PLAT: variants seen among roughly 807,000 people sequenced by gnomAD.
The protein encoded by PLAT is tissue-type plasminogen activator.
A neutral mutation model predicts 74.9 loss-of-function variants in PLAT; 48 were observed. The observed-to-expected ratio is 0.64, with a 90% CI of 0.51 to 0.82. PLAT has a LOEUF of 0.82. Among genes scored for constraint, PLAT ranks in the 40% least tolerant of loss-of-function variants. The pLI is 0.00. For synonymous variants in PLAT, 307 were observed against 294.4 expected, an observed-to-expected ratio of 1.04 and a Z score of -0.44; for missense variants, 673 against 736.2, an observed-to-expected ratio of 0.91 and a Z score of 0.99.
chr8:42,180,561 C>T lies in PLAT; in HGVS notation c.1014G>A (p.Glu338=), dbSNP rs556723164. 1 of 1,614,144 alleles carries T rather than the reference C, an allele frequency of 6.2e-7. No homozygotes were observed. Among genetic ancestry groups the T allele is most frequent in the South Asian group, 1.1e-5 (1 of 91,084 alleles). The change falls in exon 10 of 14, where the codon GAG becomes GAA. Residue 338 remains glutamate (E), a synonymous_variant. Transcript: ENST00000220809. ...IFAKHRRSPG[E]RFLCGGILIS... is the part of the protein sequence containing the mutation. The stretch of plus-strand genomic sequence containing the variant: ...TGAGTATGCCCCCGCACAGGAACCG[C>T]TCTCCGGGCGACCTCCTGTGCTTGG...
intron 1 of PLAT, 68 bp from the exon 2 acceptor site, chr8:42,193,279 A>T (rs1050497158): frequency 1.8e-5 from 18 of 1,014,274 alleles, no homozygotes; most frequent in Non-Finnish European, 2.8e-5. Flanking sequence ...AGAGGAGGAT[A>T]AGCCGCAATG....
chr8:42,206,131 A>G (rs182087149), intron 1 of PLAT, among the ~76,000 whole-genome samples: 110 of 152,324 alleles, frequency 7.2e-4, no homozygotes, highest in Non-Finnish European at 1.2e-3. Flanking sequence ...GAAATAAACC[A>G]AGCTGGTCTT....
At chr8:42,196,838 A>G (rs1326537285) in intron 1 of PLAT, among the ~76,000 whole-genome samples, 1 of 152,026 alleles carries the variant, frequency 6.6e-6, no homozygotes, top group African/African-American at 2.4e-5. Context: ...AAGAACTGAA[A>G]AAAAAAAAGG....
At chr8:42,207,198 C>G (rs963407451) in intron 1 of PLAT, among the ~76,000 whole-genome samples, 2 of 152,272 alleles carry the variant, frequency 1.3e-5, no homozygotes, top group South Asian at 2.1e-4. Flanking sequence ...TTTTCTGTAT[C>G]GTTCTTTTCA....
In PLAT at chr8:42,194,215, T is replaced by TGAGA. The variant is rs140537859; in HGVS notation, c.-26-1008_-26-1005dup. ...TCAGGCATGTGCCACTGTGCCTGGCTGAGAGAGAGAGAGAGAGAGAGAGAG... is the reference window on the plus strand; with the variant it reads ...TCAGGCATGTGCCACTGTGCCTGGCTGAGAGAGAGAGAGAGAGAGAGAGAGAGAG... On this transcript the variant is annotated intron_variant, in intron 1 of 13. Coordinates refer to ENST00000220809, the MANE Select transcript of PLAT (RefSeq NM_000930.5). Among the ~76,000 whole-genome samples, 555 of 119,842 alleles carry TGAGA rather than the reference T, an allele frequency of 4.6e-3. 3 individuals carry two copies. The highest frequency in any genetic ancestry group is 0.02 in the African/African-American group (431 of 21,846). The allele number at this position is 119,842 out of a possible 152,430, so 78.6% of individuals were successfully genotyped here.
chr8:42,191,120 C>A (rs1805666462), intron 3 of PLAT, among the ~76,000 whole-genome samples: 1 of 152,190 alleles, frequency 6.6e-6, no homozygotes, highest in African/African-American at 2.4e-5. Context: ...AGGTTGTGAT[C>A]CCTGACAGCC....
rs1805629684 is a variant in PLAT at position 42,190,159 on chromosome 8, C to T, written c.116-1088G>A. 3.3e-5 allele frequency among the ~76,000 whole-genome samples: 5 copies of T among 152,226 alleles called. No homozygotes were observed. The South Asian group carries it at 1.0e-3, about 32-fold the overall frequency. On this transcript the variant is annotated intron_variant, in intron 3 of 13. Transcript: ENST00000220809. Reference sequence around the variant, plus strand: ...ATGTTGCCCATGCTGGTCTTGAACTCCTGGGCTAAAGCCATCCTCCTGGAT... The same window carrying T: ...ATGTTGCCCATGCTGGTCTTGAACTTCTGGGCTAAAGCCATCCTCCTGGAT...
chr8:42,199,872 T>C (rs1225014995), intron 1 of PLAT, among the ~76,000 whole-genome samples: 1 of 152,238 alleles, frequency 6.6e-6, no homozygotes, highest in Non-Finnish European at 1.5e-5. Context: ...TCATCTTCCG[T>C]GATGAAGGTC....
At chr8:42,198,225 C>T (rs1805993172) in intron 1 of PLAT, among the ~76,000 whole-genome samples, 1 of 152,194 alleles carries the variant, frequency 6.6e-6, no homozygotes, top group Non-Finnish European at 1.5e-5. Context: ...CACAGTGGCT[C>T]ACACCTGTAA....
chr8:42,187,603 A>G (rs201994900), intron 5 of PLAT, 31 bp from the exon 6 acceptor site: 11 of 1,552,084 alleles, frequency 7.1e-6, no homozygotes, highest in South Asian at 3.5e-5. Context: ...GATGCCTCAC[A>G]TGGGAGTCCC....
chr8:42,188,936 T>C lies in PLAT; in HGVS notation c.251A>G (p.Lys84Arg), dbSNP rs1416061528. The C allele has an allele frequency of 1.9e-6, 3 of 1,612,836 alleles. No individual in the cohort carries two copies. Among genetic ancestry groups the C allele is most frequent in the Admixed American group, 3.3e-5 (2 of 60,014 alleles). ...CACCTCCCAGCCTCAGTACATACTTTTGACAGGCACTGAGTGGCACTGTGC... is the reference window on the plus strand; with the variant it reads ...CACCTCCCAGCCTCAGTACATACTTCTGACAGGCACTGAGTGGCACTGTGC... ...GRAQCHSVPV[K>R]SCSEPRCFNG... is the part of the protein sequence containing the mutation. Residue 84 changes from lysine (K) to arginine (R), a missense_variant and splice_region_variant, in exon 4 of 14, where the codon AAA becomes AGA. Coordinates refer to ENST00000220809, the MANE Select transcript of PLAT (RefSeq NM_000930.5).
chr8:42,181,843 C>T, intron 9 of PLAT, 94 bp downstream of exon 9: 1 of 628,626 alleles, frequency 1.6e-6, no homozygotes. Flanking sequence ...GGCACACAGT[C>T]TGCACCAGAC....
Position 42,180,001 on chromosome 8 carries a change from A to G in PLAT, c.1288T>C (p.Cys430Arg). 3.1e-6 allele frequency: 5 copies of G among 1,609,984 alleles called. No homozygotes were observed. The highest frequency in any genetic ancestry group is 1.3e-5 in the African/African-American group (1 of 74,974). The change falls in exon 12 of 14, where the codon TGC becomes CGC. Residue 430 changes from cysteine to arginine, a missense_variant. Physicochemically the swap from Cys to Arg is radical, Grantham distance 180. Coordinates refer to ENST00000220809, the MANE Select transcript of PLAT (RefSeq NM_000930.5). ...AGCTGCAGGTCCGCCGGGGGAAGGC[A>G]CACAGTGCGGACCACGCTGCTCTCC... The part of the protein sequence containing the change: ...AQESSVVRTV[C>R]LPPADLQLPD...
At chr8:42,200,287 C>T (rs930918825) in intron 1 of PLAT, among the ~76,000 whole-genome samples, 1 of 152,134 alleles carries the variant, frequency 6.6e-6, no homozygotes, top group African/African-American at 2.4e-5. Flanking sequence ...GTCTGTAATC[C>T]CAACACTTTG....
Position 42,181,959 on chromosome 8 carries a change from C to T in PLAT, c.867G>A (p.Glu289=), listed in dbSNP as rs1351617478. Reference sequence around the variant, plus strand: ...TACAGCAGGAGGGCACATCACAGTACTCCCACGTCAGCCTGCGGTTCTTCA... The same window carrying T: ...TACAGCAGGAGGGCACATCACAGTATTCCCACGTCAGCCTGCGGTTCTTCA... ...HVLKNRRLTW[E]YCDVPSCSTC... is the part of the protein sequence containing the mutation. Residue 289 remains glutamate (E), a synonymous_variant, in exon 9 of 14, where the codon GAG becomes GAA. Coordinates refer to ENST00000220809, the MANE Select transcript of PLAT (RefSeq NM_000930.5). 1 of 1,611,598 alleles carries T rather than the reference C, an allele frequency of 6.2e-7. No individual in the cohort carries two copies. Among genetic ancestry groups the T allele is most frequent in the Admixed American group, 1.7e-5 (1 of 60,020 alleles).
chr8:42,180,495 C>T lies in PLAT; in HGVS notation c.1080G>A (p.Gln360=), dbSNP rs762779874. 3 of 1,614,066 alleles carry T rather than the reference C, an allele frequency of 1.9e-6. No individual in the cohort carries two copies. The highest frequency in any genetic ancestry group is 2.5e-6 in the Non-Finnish European group (3 of 1,180,038). The change falls in exon 10 of 14, where the codon CAG becomes CAA. Residue 360 remains glutamine, a synonymous_variant. Transcript: ENST00000220809. ...CTGGGTTTCCGAGCCCCTACCTCTCCTGGAAGCAGTGGGCGGCAGAGAGAA... is the reference window on the plus strand; with the variant it reads ...CTGGGTTTCCGAGCCCCTACCTCTCTTGGAAGCAGTGGGCGGCAGAGAGAA... The part of the protein sequence containing the change: ...CWILSAAHCF[Q]ERFPPHHLTV...
chr8:42,180,553 A>G lies in PLAT; in HGVS notation c.1022T>C (p.Leu341Pro). 6.2e-7 allele frequency: 1 copy of G among 1,614,182 alleles called. No individual in the cohort carries two copies. Among genetic ancestry groups the G allele is most frequent in the Non-Finnish European group, 8.5e-7 (1 of 1,180,042 alleles). The change falls in exon 10 of 14, where the codon CTG becomes CCG. Residue 341 changes from leucine to proline, a missense_variant. Leu to Pro is a moderately conservative substitution (Grantham distance 98). Transcript: ENST00000220809. ...KHRRSPGERF[L>P]CGGILISSCW... ...GGAGCTGATGAGTATGCCCCCGCAC[A>G]GGAACCGCTCTCCGGGCGACCTCCT... is the stretch of plus-strand genomic sequence containing the variant.
In PLAT at chr8:42,176,124, G is replaced by C. The variant is rs1804963883; in HGVS notation, c.1558C>G (p.Leu520Val). Reference protein sequence around the residue: ...QGDSGGPLVCLNDGRMTLVGI... With the variant: ...QGDSGGPLVCVNDGRMTLVGI... Reference sequence around the variant, plus strand: ...ACCAAAGTCATGCGGCCATCGTTCAGACACACCAGGGGGCCTCCCGAATCG... The same window carrying C: ...ACCAAAGTCATGCGGCCATCGTTCACACACACCAGGGGGCCTCCCGAATCG... The change falls in exon 14 of 14, where the codon CTG (leucine) becomes GTG (valine). Residue 520 changes from leucine to valine, a missense_variant. Coordinates refer to ENST00000220809, the MANE Select transcript of PLAT (RefSeq NM_000930.5). The C allele has an allele frequency of 1.2e-6, 2 of 1,613,874 alleles. No individual in the cohort carries two copies. Among genetic ancestry groups the C allele is most frequent in the Non-Finnish European group, 1.7e-6 (2 of 1,179,942 alleles).
At position 42,176,029 on chromosome 8, in the gene PLAT, G is replaced by A. The variant is rs745740281; in HGVS notation, c.1653C>T (p.Asn551=). 3.1e-6 allele frequency: 5 copies of A among 1,614,172 alleles called. No homozygotes were observed. The highest frequency in any genetic ancestry group is 1.1e-5 in the South Asian group (1 of 91,078). ...TGTTGTCACGAATCCAGTCTAGGTA[G>A]TTGGTAACCTTGGTGTACACACCCG... ...DVPGVYTKVT[N]YLDWIRDNMR... The change falls in exon 14 of 14, where the codon AAC becomes AAT. Residue 551 remains asparagine, a synonymous_variant. Transcript: ENST00000220809.
Sources: gnomAD v4.1 joint callset for allele counts (sites outside exome capture counted in the v4.1 genomes callset) on GRCh38, gnomAD v4.1.1 for gene constraint, MANE v1.5 for transcripts, NCBI Gene and HGNC (gene_info 2026-07-23, HGNC 2026-07-21) for gene names.